NPAS2: variants seen among roughly 807,000 people sequenced by gnomAD.
NPAS2 encodes the protein neuronal PAS domain-containing protein 2.
In NPAS2, 23 loss-of-function variants were observed where a neutral mutation model predicts 107.5. That is an observed-to-expected ratio of 0.21 (90% CI 0.15 to 0.30). The LOEUF is 0.30. Ranked by LOEUF, NPAS2 falls within the 10% of genes least tolerant of loss-of-function variation. The pLI is 1.00. For missense variants in NPAS2, 756 were observed against 1,043.3 expected (o/e 0.72, Z 3.79); for synonymous variants, 403 against 417.5 (o/e 0.97, Z 0.42).
rs755026018 is a variant in NPAS2 at position 100,934,062 on chromosome 2, A to T, written c.273+1061A>T. Reference sequence around the variant, plus strand: ...TCCAAATATTATGAAATGTAAACGCATTAATGAACATTTGCATAAGATGAA... The same window carrying T: ...TCCAAATATTATGAAATGTAAACGCTTTAATGAACATTTGCATAAGATGAA... On this transcript the variant is annotated intron_variant, in intron 4 of 20. Transcript: ENST00000335681. 3.9e-5 allele frequency: 6 copies of T among 152,256 alleles called. No individual in the cohort carries two copies. The South Asian group carries it at 1.2e-3, about 31-fold the overall frequency. 9.4% of individuals were successfully genotyped at this position (152,256 alleles called of 1,614,324 possible). A position where few individuals can be genotyped will look rare whatever the true frequency, so the allele number is the denominator to read the frequency against.
intron 1 of NPAS2, among the ~76,000 whole-genome samples, chr2:100,882,965 A>G (rs540165401): frequency 2.6e-5 from 4 of 152,276 alleles, no homozygotes; most frequent in East Asian, 1.9e-4. Context: ...AAAGTCAGAT[A>G]GTCTTGGGGA....
chr2:100,979,494 ATATATATATTTTTTTTTT>A (rs1277071711), intron 15 of NPAS2, among the ~76,000 whole-genome samples: 2 of 74,874 alleles, frequency 2.7e-5, no homozygotes, highest in East Asian at 5.4e-4. Flanking sequence ...ATATATATAT[ATATATATATTTTTTTTTT>A]TTTTTTTTTT....
At chr2:100,899,098 G>C (rs1474647508) in intron 1 of NPAS2, among the ~76,000 whole-genome samples, 4 of 152,180 alleles carry the variant, frequency 2.6e-5, no homozygotes, top group Non-Finnish European at 4.4e-5. Context: ...CAGAGCCAAG[G>C]GGTGTCTAAG....
intron 2 of NPAS2, among the ~76,000 whole-genome samples, chr2:100,908,480 C>T (rs1682312347): frequency 6.6e-6 from 1 of 152,128 alleles, no homozygotes; most frequent in Admixed American, 6.5e-5. Context: ...ACATCTGTTT[C>T]TAAAGTCTGG....
chr2:100,931,480 GCT>G (rs1374921233), intron 3 of NPAS2, among the ~76,000 whole-genome samples: 14 of 137,658 alleles, frequency 1.0e-4, no homozygotes, highest in African/African-American at 3.8e-4. Context: ...GCATAACTCA[GCT>G]CTTTTTTTTT....
rs1676161228 is a variant in NPAS2, at chr2:100,965,480, A to G, written c.801-180A>G. Among the ~76,000 whole-genome samples, 2 of 152,182 alleles carry G rather than the reference A, an allele frequency of 1.3e-5. No homozygotes were observed. Among genetic ancestry groups the G allele is most frequent in the Non-Finnish European group, 2.9e-5 (2 of 68,026 alleles). ...AAGGAGTATCTATATGCCAAAAAAA[A>G]AAGCTGAGCCCTTTGGAAAACACAG... On this transcript the variant is annotated intron_variant, in intron 9 of 20. Transcript: ENST00000335681. This position sits in a 1 kb window ranked among gnomAD's most constrained non-coding sequence, Gnocchi z 4.3.
chr2:100,842,081 GCACACA>G lies in NPAS2; in HGVS notation c.-23+21691_-23+21696del, dbSNP rs59267718. Among the ~76,000 whole-genome samples, 425 of 148,890 alleles carry G rather than the reference GCACACA, an allele frequency of 2.9e-3. 2 individuals are homozygous for G. Among genetic ancestry groups the G allele is most frequent in the East Asian group, 0.011 (55 of 5,064 alleles). Reference sequence around the variant, plus strand: ...TTCATGCATGAGTGTGCATGTACGCGCACACACACACACACACACACACACACACTT... The same window carrying G: ...TTCATGCATGAGTGTGCATGTACGCGCACACACACACACACACACACACTT... On this transcript the variant is annotated intron_variant, in intron 1 of 20. Transcript: ENST00000335681.
rs1390584663 is a variant in NPAS2, at chr2:100,974,796, G to A, written c.1141-7G>A. Reference sequence around the variant, plus strand: ...GACATGAGGACTGTTTGATGTGTGTGTTTCAGGACAAGGGCTCAAGCCTGG... The same window carrying A: ...GACATGAGGACTGTTTGATGTGTGTATTTCAGGACAAGGGCTCAAGCCTGG... On this transcript the variant is annotated splice_polypyrimidine_tract_variant and splice_region_variant and intron_variant, in intron 12 of 20. Coordinates refer to ENST00000335681, the MANE Select transcript of NPAS2 (RefSeq NM_002518.4). 3 of 1,613,138 alleles carry A rather than the reference G, an allele frequency of 1.9e-6. No homozygotes were observed. Among genetic ancestry groups the A allele is most frequent in the Non-Finnish European group, 2.5e-6 (3 of 1,179,556 alleles).
chr2:100,899,047 C>G (rs568571776), intron 1 of NPAS2, among the ~76,000 whole-genome samples: 2 of 152,086 alleles, frequency 1.3e-5, no homozygotes, highest in African/African-American at 2.4e-5. Flanking sequence ...GAAGAACATT[C>G]TACAGATACT....
At chr2:100,844,099 C>T (rs1317288753) in intron 1 of NPAS2, among the ~76,000 whole-genome samples, 9 of 152,190 alleles carry the variant, frequency 5.9e-5, no homozygotes, top group Admixed American at 5.9e-4. Context: ...TGCAGGCTCA[C>T]AGCCTGGCCA....
intron 1 of NPAS2, among the ~76,000 whole-genome samples, chr2:100,862,443 G>A (rs922133735): frequency 1.3e-5 from 2 of 152,140 alleles, no homozygotes; most frequent in East Asian, 3.9e-4. Flanking sequence ...AAGTTGGAGG[G>A]TTTCATTGCC....
chr2:100,976,133 G>C lies in NPAS2; in HGVS notation c.1392+566G>C, dbSNP rs1225784563. 6.6e-6 allele frequency among the ~76,000 whole-genome samples: 1 copy of C among 151,768 alleles called. No homozygotes were observed. Among genetic ancestry groups the C allele is most frequent in the African/African-American group, 2.4e-5 (1 of 41,336 alleles). ...ACATGTATGAAGTTCATGGAGTCTG[G>C]GTCAGGAATTCAGAAAGGGCATCAT... is the stretch of plus-strand genomic sequence containing the variant. On this transcript the variant is annotated intron_variant, in intron 14 of 20. Coordinates refer to ENST00000335681, the MANE Select transcript of NPAS2 (RefSeq NM_002518.4). The surrounding 1 kb of genome is among the most constrained non-coding windows in gnomAD (Gnocchi z 4.1).
Position 100,826,641 on chromosome 2 carries a change from T to TA in NPAS2, c.-23+6228dup, listed in dbSNP as rs1170357087. On this transcript the variant is annotated intron_variant, in intron 1 of 20. Transcript: ENST00000335681. ...ATAAATAATCTATTGAGTTGACTGT[T>TA]ACAGTTTTTGTATTAACTTCCTTAT... 7.2e-5 allele frequency among the ~76,000 whole-genome samples: 11 copies of TA among 152,234 alleles called. 1 individual carries two copies. In the South Asian group the frequency reaches 8.3e-4, roughly 11 times the overall value.
intron 3 of NPAS2, among the ~76,000 whole-genome samples, chr2:100,925,949 C>A (rs1683534263): frequency 6.6e-6 from 1 of 152,086 alleles, no homozygotes; most frequent in Non-Finnish European, 1.5e-5. Context: ...CCATTCTTCC[C>A]CCTCCCTCCA....
At chr2:100,849,508 T>C (rs1039707803) in intron 1 of NPAS2, among the ~76,000 whole-genome samples, 7 of 152,240 alleles carry the variant, frequency 4.6e-5, no homozygotes, top group Admixed American at 4.6e-4. Flanking sequence ...GAACTCCAGG[T>C]AGATCATTCC....
intron 1 of NPAS2, among the ~76,000 whole-genome samples, chr2:100,876,402 G>A (rs1385351286): frequency 3.3e-5 from 5 of 152,196 alleles, no homozygotes; most frequent in East Asian, 3.8e-4. Flanking sequence ...TGCTTCCCAC[G>A]TCTCCTAAGA....
chr2:100,847,408 C>G (rs965101701), intron 1 of NPAS2, among the ~76,000 whole-genome samples: 12 of 151,698 alleles, frequency 7.9e-5, no homozygotes, highest in Non-Finnish European at 1.8e-4. Context: ...CTCGCTCTTT[C>G]GCCCAGGCTG....
chr2:100,990,851 G>T lies in NPAS2; in HGVS notation c.2090G>T (p.Ser697Ile). Residue 697 changes from serine (S) to isoleucine (I), a missense_variant, in exon 19 of 21, where the codon AGC becomes ATC. Transcript: ENST00000335681. ...GACGCAAGGCAGCCCTCGGAAGTCA[G>T]CAGGACGGGACGGCAAGTCAAGTAC... ...SCDARQPSEV[S>I]RTGRQVKYAQ... 1 of 1,614,152 alleles carries T rather than the reference G, an allele frequency of 6.2e-7. No individual in the cohort carries two copies. The highest frequency in any genetic ancestry group is 1.6e-4 in the Middle Eastern group (1 of 6,062).
chr2:100,906,630 G>A (rs1190357671), intron 2 of NPAS2, among the ~76,000 whole-genome samples: 2 of 152,154 alleles, frequency 1.3e-5, no homozygotes, highest in African/African-American at 2.4e-5. Flanking sequence ...TCACCCTGTT[G>A]CCTAGGCTGG....
Sources: allele counts gnomAD v4.1 joint callset (sites outside exome capture counted in the v4.1 genomes callset), GRCh38; gene constraint gnomAD v4.1.1; non-coding constraint Gnocchi (gnomAD v3.1); transcripts MANE v1.5; gene names NCBI Gene and HGNC (gene_info 2026-07-23, HGNC 2026-07-21).